The following METTL22 variants were observed in gnomAD, a reference collection of about 807,000 sequenced individuals.
METTL22 encodes the protein methyltransferase-like protein 22.
METTL22 carries 51 observed loss-of-function variants against 48.4 expected under a neutral mutation model. The ratio of observed to expected loss-of-function variants is 1.05; its 90% CI spans 0.84 to 1.33. METTL22 has a LOEUF of 1.33. METTL22 is among the 40% of genes most tolerant of loss of function. The pLI is 0.00. For synonymous variants in METTL22, 255 were observed against 214.1 expected, an observed-to-expected ratio of 1.19 and a Z score of -1.67; for missense variants, 678 against 526.9, an observed-to-expected ratio of 1.29 and a Z score of -2.81.
downstream of METTL22, among the ~76,000 whole-genome samples, chr16:8,653,405 G>A (rs749792216): frequency 4.7e-4 from 72 of 152,110 alleles, no homozygotes; most frequent in Non-Finnish European, 7.8e-4. Context: ...ACCGATCTCT[G>A]TCCCCACATG....
At chr16:8,642,315 T>A in intron 8 of METTL22, 108 bp downstream of exon 8, 1 of 1,248,342 alleles carries the variant, frequency 8.0e-7, no homozygotes, top group Non-Finnish European at 1.2e-6. Flanking sequence ...GACTTTCTGG[T>A]ACATGCCACC....
chr16:8,664,597 C>T, the METTL22 span, among the ~76,000 whole-genome samples: 1 of 152,070 alleles, frequency 6.6e-6, no homozygotes, highest in African/African-American at 2.4e-5. Flanking sequence ...AGGACCTAGG[C>T]ACATACCACC....
rs911712705 is a variant in METTL22, at chr16:8,645,964, C to T, written c.1180-144C>T. ...GAGCAACAAAGAAAGGAGGAAGCCGCCCGTCCGCTCCTGCCCCAGCTCGCC... is the reference window on the plus strand; with the variant it reads ...GAGCAACAAAGAAAGGAGGAAGCCGTCCGTCCGCTCCTGCCCCAGCTCGCC... On this transcript the variant is annotated intron_variant, in intron 10 of 10. Coordinates refer to ENST00000381920, the MANE Select transcript of METTL22 (RefSeq NM_024109.4). The T allele has an allele frequency of 4.8e-6, 7 of 1,447,124 alleles. No homozygotes were observed. The Admixed American group carries it at 7.9e-5, about 16-fold the overall frequency. 89.6% of individuals were successfully genotyped at this position (1,447,124 alleles called of 1,614,324 possible). A position where few individuals can be genotyped will look rare whatever the true frequency, so the allele number is the denominator to read the frequency against.
chr16:8,636,438 T>C (rs2056424054), intron 5 of METTL22, among the ~76,000 whole-genome samples: 1 of 149,738 alleles, frequency 6.7e-6, no homozygotes, highest in Admixed American at 6.7e-5. Flanking sequence ...CTTGGGAGGC[T>C]TGAACCTGGG....
chr16:8,633,792 A>G (rs994959442), intron 3 of METTL22, among the ~76,000 whole-genome samples: 1 of 152,270 alleles, frequency 6.6e-6, no homozygotes, highest in African/African-American at 2.4e-5. Context: ...TGCCTCATGC[A>G]GAGAAGGTGC....
At chr16:8,628,018 G>T (rs1229852309) in intron 2 of METTL22, among the ~76,000 whole-genome samples, 1 of 152,202 alleles carries the variant, frequency 6.6e-6, no homozygotes, top group East Asian at 1.9e-4. Flanking sequence ...AATTACAGGT[G>T]TAAGCCACCA....
At chr16:8,646,025 T>TCGCCTGCTCCG in intron 10 of METTL22, 83 bp from the exon 11 acceptor site, 4 of 1,599,014 alleles carry the variant, frequency 2.5e-6, no homozygotes, top group South Asian at 1.1e-5. Flanking sequence ...ACTACTCTCC[T>TCGCCTGCTCCG]TGGTGAATCA....
chr16:8,666,053 A>G, the METTL22 span, among the ~76,000 whole-genome samples: 2 of 152,134 alleles, frequency 1.3e-5, no homozygotes, highest in Non-Finnish European at 1.5e-5. Flanking sequence ...TCTGTGCAGC[A>G]TTTTCCATTT....
In METTL22 at chr16:8,646,483, G is replaced by A; in HGVS notation, c.*340G>A. On this transcript the variant is annotated 3_prime_UTR_variant, in exon 11 of 11. Transcript: ENST00000381920. ...TTTACTTGCGGTTGCGGCCCTGGCT[G>A]TGAGGTGGATTCTTGTACTGCCCTC... 1 of 554,216 alleles carries A rather than the reference G, an allele frequency of 1.8e-6. No homozygotes were observed. Among genetic ancestry groups the A allele is most frequent in the Non-Finnish European group, 3.4e-6 (1 of 290,798 alleles). 34.3% of individuals were successfully genotyped at this position (554,216 alleles called of 1,614,324 possible). A position where few individuals can be genotyped will look rare whatever the true frequency, so the allele number is the denominator to read the frequency against.
At chr16:8,640,007 C>T (rs2056547995) in intron 6 of METTL22, among the ~76,000 whole-genome samples, 1 of 152,206 alleles carries the variant, frequency 6.6e-6, no homozygotes, top group African/African-American at 2.4e-5. Flanking sequence ...CCTCATCACC[C>T]TCGGGGCTTC....
the METTL22 span, among the ~76,000 whole-genome samples, chr16:8,661,562 G>A: frequency 1.4e-3 from 187 of 136,188 alleles, 26 homozygotes; most frequent in African/African-American, 5.2e-3. Flanking sequence ...GGAGAATGGC[G>A]TGAACCCAGG....
At chr16:8,625,123 A>T (rs2056000571) in intron 1 of METTL22, among the ~76,000 whole-genome samples, 1 of 152,186 alleles carries the variant, frequency 6.6e-6, no homozygotes, top group African/African-American at 2.4e-5. Flanking sequence ...TAATGGTCTT[A>T]TGATTATATA....
chr16:8,663,906 A>G, the METTL22 span, among the ~76,000 whole-genome samples: 1 of 152,022 alleles, frequency 6.6e-6, no homozygotes, highest in East Asian at 1.9e-4. Context: ...ATTGTAGAGC[A>G]TTCAGCAGTC....
the METTL22 span, among the ~76,000 whole-genome samples, chr16:8,658,756 G>C: frequency 2.0e-5 from 3 of 152,184 alleles, no homozygotes; most frequent in Non-Finnish European, 4.4e-5. Flanking sequence ...CAGAGTGCAC[G>C]TCAAGGCTCT....
chr16:8,629,653 T>C (rs2056187480), intron 3 of METTL22, among the ~76,000 whole-genome samples: 1 of 151,658 alleles, frequency 6.6e-6, no homozygotes, highest in Non-Finnish European at 1.5e-5. Flanking sequence ...AGTGATGAAG[T>C]GGCGGGAAAA....
At chr16:8,641,297 T>G (rs1485388565) in intron 7 of METTL22, 113 bp downstream of exon 7, 2 of 1,045,948 alleles carry the variant, frequency 1.9e-6, no homozygotes, top group Non-Finnish European at 3.0e-6. Flanking sequence ...GCTGCCACAG[T>G]CCCATCGGCG....
At position 8,641,111 on chromosome 16, in the gene METTL22, C is replaced by CT; in HGVS notation, c.773-15dup. 6.2e-7 allele frequency: 1 copy of CT among 1,612,846 alleles called. No individual in the cohort carries two copies. The highest frequency in any genetic ancestry group is 1.3e-5 in the African/African-American group (1 of 74,958). On this transcript the variant is annotated intron_variant, in intron 6 of 10. Coordinates refer to ENST00000381920, the MANE Select transcript of METTL22 (RefSeq NM_024109.4). ...TGATGTTTAGAGTTTGGAAAGTTCTCTTTTTGTTTGTTTTTACAGGTGGTA... is the reference window on the plus strand; with the variant it reads ...TGATGTTTAGAGTTTGGAAAGTTCTCTTTTTTGTTTGTTTTTACAGGTGGTA...
At chr16:8,631,038 C>T (rs758170400) in intron 3 of METTL22, among the ~76,000 whole-genome samples, 2 of 152,208 alleles carry the variant, frequency 1.3e-5, no homozygotes, top group Admixed American at 1.3e-4. Context: ...ACCACTGTCC[C>T]TGGGTTTTAG....
Position 8,623,345 on chromosome 16 carries a change from A to G in METTL22, c.-171+1570A>G, listed in dbSNP as rs1384682905. ...AAAAAAAATGCGCTATGGCAAAAAAAGAAATGGCATCCTTTGGTTCACTTT... is the reference window on the plus strand; with the variant it reads ...AAAAAAAATGCGCTATGGCAAAAAAGGAAATGGCATCCTTTGGTTCACTTT... On this transcript the variant is annotated intron_variant, in intron 1 of 10. Transcript: ENST00000381920. Among the ~76,000 whole-genome samples the G allele has an allele frequency of 2.0e-5, 3 of 152,050 alleles. No individual in the cohort carries two copies. The East Asian group carries it at 5.8e-4, about 29-fold the overall frequency.
Sources: gnomAD v4.1 joint callset for allele counts (sites outside exome capture counted in the v4.1 genomes callset) on GRCh38, gnomAD v4.1.1 for gene constraint, MANE v1.5 for transcripts, NCBI Gene and HGNC (gene_info 2026-07-23, HGNC 2026-07-21) for gene names.